FASN: variants seen among roughly 807,000 people sequenced by gnomAD.
The protein encoded by FASN is 3-hydroxyacyl-[acyl-carrier-protein] dehydratase.
Under a neutral mutation model 250.0 loss-of-function variants are expected in FASN, and 50 were observed. The ratio of observed to expected loss-of-function variants is 0.20; its 90% CI spans 0.16 to 0.25. The LOEUF (loss-of-function observed/expected upper bound fraction) is 0.25, where lower values mean the gene tolerates loss of function less well. Ranked by LOEUF, FASN falls within the 10% of genes least tolerant of loss-of-function variation. FASN has a pLI of 1.00. For missense variants in FASN, 3,031 were observed against 3,498.5 expected, an observed-to-expected ratio of 0.87 and a Z score of 3.37; for synonymous variants, 1,909 against 1,584.0, an observed-to-expected ratio of 1.21 and a Z score of -4.87.
rs892230416 is a variant in FASN at position 82,082,587 on chromosome 17, C to G, written c.5859G>C (p.Arg1953=). The stretch of plus-strand genomic sequence containing the variant: ...GCTGCGCCGCCTCGGCAATGAGGCC[C>G]CGGGCCCCCTCCAGTGAGCTGATGT... ...TSNISSLEGA[R]GLIAEAAQLG... The change falls in exon 34 of 43, where the codon CGG becomes CGC. Residue 1953 remains arginine (R), a synonymous_variant. Coordinates refer to ENST00000306749, the MANE Select transcript of FASN (RefSeq NM_004104.5). The G allele has an allele frequency of 2.5e-6, 4 of 1,609,984 alleles. No homozygotes were observed. The African/African-American group carries it at 5.3e-5, about 21-fold the overall frequency.
At chr17:82,091,922 G>A (rs1365685630) in intron 8 of FASN, among the ~76,000 whole-genome samples, 1 of 152,218 alleles carries the variant, frequency 6.6e-6, no homozygotes, top group African/African-American at 2.4e-5. Context: ...CTCCCAGCCT[G>A]ATGTGGACCC....
At position 82,087,155 on chromosome 17, in the gene FASN, C is replaced by T. The variant is rs200221148; in HGVS notation, c.3322G>A (p.Glu1108Lys). The change falls in exon 21 of 43, where the codon GAG becomes AAG. Residue 1108 changes from glutamate (E) to lysine (K), a missense_variant. By Grantham distance (56) the Glu-to-Lys change is moderately conservative (BLOSUM62 1). Coordinates refer to ENST00000306749, the MANE Select transcript of FASN (RefSeq NM_004104.5). ...HTESAPRRQQ[E>K]QQVPILEKFC... ...TTCTCCAGGATGGGCACCTGCTGCT[C>T]CTGCTGCCGCCGCGGGGCCGACTCA... The T allele has an allele frequency of 6.2e-7, 1 of 1,610,608 alleles. No individual in the cohort carries two copies. Among genetic ancestry groups the T allele is most frequent in the African/African-American group, 1.3e-5 (1 of 75,030 alleles).
Position 82,082,002 on chromosome 17 carries a change from G to T in FASN, c.6163+7C>A. ...GGGCAGGGTCGAGGGGAGAGGGTGG[G>T]GCCCACCTGGGAGGCCTTCGTGCCG... On this transcript the variant is annotated splice_region_variant and intron_variant, in intron 36 of 42. Transcript: ENST00000306749. The T allele has an allele frequency of 6.2e-7, 1 of 1,605,668 alleles. No individual in the cohort carries two copies.
At chr17:82,094,097 C>T in intron 3 of FASN, 2 of 455,752 alleles carry the variant, frequency 4.4e-6, no homozygotes, top group African/African-American at 2.0e-5. Context: ...CAGAGGGCAG[C>T]ATTGTCCCCA....
intron 41 of FASN, 189 bp downstream of exon 41, chr17:82,079,951 G>C (rs1329358871): frequency 2.9e-6 from 2 of 691,956 alleles, no homozygotes; most frequent in Non-Finnish European, 5.0e-6. Context: ...CAGGTAATCT[G>C]CCCGCCTTAG....
chr17:82,081,540 TCC>T, intron 37 of FASN, 59 bp downstream of exon 37: 1 of 1,605,430 alleles, frequency 6.2e-7, no homozygotes, highest in Non-Finnish European at 8.5e-7. Flanking sequence ...GACTGCTATG[TCC>T]CAAGACCCTG....
At position 82,092,602 on chromosome 17, in the gene FASN, T is replaced by TG. The variant is rs755743968; in HGVS notation, c.895-14dup. ...GGGGGTCGCCCACCTGTGGGAAACATGGGGGGTGAGGGGCTCTGGCCAGGT... is the reference window on the plus strand; with the variant it reads ...GGGGGTCGCCCACCTGTGGGAAACATGGGGGGGTGAGGGGCTCTGGCCAGGT... On this transcript the variant is annotated splice_polypyrimidine_tract_variant and intron_variant, in intron 7 of 42. Transcript: ENST00000306749. The TG allele has an allele frequency of 4.7e-6, 7 of 1,479,182 alleles. No individual in the cohort carries two copies. The highest frequency in any genetic ancestry group is 1.8e-5 in the Admixed American group (1 of 54,918). The allele number at this position is 1,479,182 out of a possible 1,614,324, so 91.6% of individuals were successfully genotyped here.
Position 82,090,358 on chromosome 17 carries a change from C to A in FASN, c.1870+17G>T. The A allele has an allele frequency of 6.4e-7, 1 of 1,567,522 alleles. No individual in the cohort carries two copies. Among genetic ancestry groups the A allele is most frequent in the Non-Finnish European group, 8.6e-7 (1 of 1,156,922 alleles). On this transcript the variant is annotated intron_variant, in intron 11 of 42. Coordinates refer to ENST00000306749, the MANE Select transcript of FASN (RefSeq NM_004104.5). ...CTCCTTTCTTGGAGGTGCTGGGGGC[C>A]CCTCCGGGAGACCTACCCACGGCTG...
rs1472455180 is a variant in FASN, at chr17:82,078,971, G to A, written c.*172C>T. 3 of 784,712 alleles carry A rather than the reference G, an allele frequency of 3.8e-6. No individual in the cohort carries two copies. Among genetic ancestry groups the A allele is most frequent in the African/African-American group, 3.4e-5 (2 of 58,290 alleles). The allele number at this position is 784,712 out of a possible 1,614,324, so 48.6% of individuals were successfully genotyped here. ...TGTCCCCGAGGTGCCGTGGGAGGCGGCGGGTGGGTGGGACATGCCTAACAC... is the reference window on the plus strand; with the variant it reads ...TGTCCCCGAGGTGCCGTGGGAGGCGACGGGTGGGTGGGACATGCCTAACAC... On this transcript the variant is annotated 3_prime_UTR_variant, in exon 43 of 43. Coordinates refer to ENST00000306749, the MANE Select transcript of FASN (RefSeq NM_004104.5). The surrounding 1 kb of genome is among the most constrained non-coding windows in gnomAD (Gnocchi z 5.4).
intron 40 of FASN, 55 bp downstream of exon 40, chr17:82,080,315 C>T (rs2033963939): frequency 6.2e-7 from 1 of 1,610,762 alleles, no homozygotes; most frequent in Non-Finnish European, 8.5e-7. Context: ...AGCCAGGGCA[C>T]AGGTGGGGAG....
intron 31 of FASN, 41 bp from the exon 32 acceptor site, chr17:82,083,466 T>C: frequency 1.2e-6 from 2 of 1,612,562 alleles, no homozygotes; most frequent in Non-Finnish European, 1.7e-6. Context: ...CTTCCACAGG[T>C]CCACCCACAC....
intron 1 of FASN, 94 bp downstream of exon 1, chr17:82,098,027 G>A (rs1173667550): frequency 3.2e-6 from 1 of 310,952 alleles, no homozygotes; most frequent in Non-Finnish European, 5.9e-6. Flanking sequence ...CGCGCGCCCC[G>A]AGAGCGGAGG....
Position 82,084,788 on chromosome 17 carries a change from CG to C in FASN, c.4564+10del. On this transcript the variant is annotated intron_variant, in intron 26 of 42. Coordinates refer to ENST00000306749, the MANE Select transcript of FASN (RefSeq NM_004104.5). ...TCTCCCGGGAGGGGCAGGGCAGTGTCGGGGGCTCACCCTCCTCCAGCAGGAA... is the reference window on the plus strand; with the variant it reads ...TCTCCCGGGAGGGGCAGGGCAGTGTCGGGGCTCACCCTCCTCCAGCAGGAA... 1 of 1,550,088 alleles carries C rather than the reference CG, an allele frequency of 6.5e-7. No individual in the cohort carries two copies.
At chr17:82,081,034 C>T (rs958833298) in intron 38 of FASN, 112 bp from the exon 39 acceptor site, 100 of 1,391,362 alleles carry the variant, frequency 7.2e-5, no homozygotes, top group South Asian at 8.7e-5. Context: ...AGGTGGGAGT[C>T]GGGGTGGGAA....
rs1402303277 is a variant in FASN, at chr17:82,078,552, G to GGTGGCT, written c.*585_*590dup. ...CCGGGCATAAGGGCAGCACCCCACG[G>GGTGGCT]GTGGCTGTGCGGGGGGCCGCTGGGT... On this transcript the variant is annotated 3_prime_UTR_variant, in exon 43 of 43. Transcript: ENST00000306749. The surrounding 1 kb of genome is among the most constrained non-coding windows in gnomAD (Gnocchi z 5.4). 1 of 164,336 alleles carries GGTGGCT rather than the reference G, an allele frequency of 6.1e-6. No homozygotes were observed. Among genetic ancestry groups the GGTGGCT allele is most frequent in the East Asian group, 1.8e-4 (1 of 5,466 alleles). 10.2% of individuals were successfully genotyped at this position (164,336 alleles called of 1,614,324 possible).
chr17:82,095,816 G>C (rs547799605), intron 2 of FASN, among the ~76,000 whole-genome samples: 1 of 152,248 alleles, frequency 6.6e-6, no homozygotes, highest in East Asian at 1.9e-4. Flanking sequence ...AGGTAGAGCT[G>C]CTCTGTGGAA....
rs867150333 is a variant in FASN at position 82,089,076 on chromosome 17, C to T, written c.2197G>A (p.Glu733Lys). The change falls in exon 14 of 43, where the codon GAG becomes AAG. Residue 733 changes from glutamate (E) to lysine (K), a missense_variant. By Grantham distance (56) the Glu-to-Lys change is moderately conservative. Coordinates refer to ENST00000306749, the MANE Select transcript of FASN (RefSeq NM_004104.5). ...CTCACCAGGTTGTTGACATTGTACT[C>T]GGCGGAGGACGTGCGTGCCAGGCTG... is the stretch of plus-strand genomic sequence containing the variant. ...HSSLARTSSA[E>K]YNVNNLVSPV... is the part of the protein sequence containing the mutation. The T allele has an allele frequency of 1.9e-6, 3 of 1,583,912 alleles. No individual in the cohort carries two copies. The highest frequency in any genetic ancestry group is 1.4e-5 in the African/African-American group (1 of 73,906).
Position 82,085,779 on chromosome 17 carries a change from G to A in FASN, c.3825C>T (p.Arg1275=). 1 of 1,562,634 alleles carries A rather than the reference G, an allele frequency of 6.4e-7. No homozygotes were observed. The highest frequency in any genetic ancestry group is 8.7e-7 in the Non-Finnish European group (1 of 1,154,368). The part of the protein sequence containing the change: ...LLQLSYTATD[R]HPQALEAAQA... ...GGGCAGCCTCCAGGGCCTGGGGGTG[G>A]CGGTCGGTGGCCGTGTAGCTCAGCT... Residue 1275 remains arginine (R), a synonymous_variant, in exon 23 of 43, where the codon CGC becomes CGT. Transcript: ENST00000306749.
At chr17:82,083,920 A>G in intron 29 of FASN, 29 bp from the exon 30 acceptor site, 1 of 1,552,942 alleles carries the variant, frequency 6.4e-7, no homozygotes, top group Non-Finnish European at 8.7e-7. Flanking sequence ...GCGGCTGGTG[A>G]GCCAGGGCGG....
Sources: allele counts gnomAD v4.1 joint callset (sites outside exome capture counted in the v4.1 genomes callset), GRCh38; gene constraint gnomAD v4.1.1; non-coding constraint Gnocchi (gnomAD v3.1); transcripts MANE v1.5; gene names NCBI Gene and HGNC (gene_info 2026-07-23, HGNC 2026-07-21).